Variants in EYS observed in about 807,000 individuals in gnomAD.
The protein encoded by EYS is EGF-like photoreceptor maintenance factor.
A neutral mutation model predicts 282.1 loss-of-function variants in EYS; 250 were observed. The ratio of observed to expected loss-of-function variants is 0.89; its 90% CI spans 0.80 to 0.98. The LOEUF is 0.98. Ranked by LOEUF, EYS falls within the 50% of genes least tolerant of loss-of-function variation. The pLI, the probability that EYS is intolerant of heterozygous loss-of-function variation, is 0.00. For synonymous variants in EYS, 1,355 were observed against 1,282.9 expected (o/e 1.06, Z -1.20); for missense variants, 4,016 against 3,709.0 (o/e 1.08, Z -2.15).
intron 33 of EYS, among the ~76,000 whole-genome samples, chr6:64,044,872 C>A (rs1203221281): frequency 6.6e-6 from 1 of 152,048 alleles, no homozygotes; most frequent in Non-Finnish European, 1.5e-5. Context: ...GTAGATATTA[C>A]AAACCAAATG....
At chr6:64,030,813 A>G (rs753196522) in intron 33 of EYS, among the ~76,000 whole-genome samples, 3 of 152,196 alleles carry the variant, frequency 2.0e-5, no homozygotes, top group East Asian at 1.9e-4. Flanking sequence ...TCAACTAACA[A>G]CTTCTACTGA....
chr6:64,876,065 T>C (rs967915530), intron 19 of EYS, among the ~76,000 whole-genome samples: 21 of 152,040 alleles, frequency 1.4e-4, no homozygotes, highest in African/African-American at 4.3e-4. Flanking sequence ...GTGAATAATA[T>C]AAAAAGTCTA....
At chr6:63,735,544 A>G (rs1768889166) in intron 41 of EYS, among the ~76,000 whole-genome samples, 2 of 151,596 alleles carry the variant, frequency 1.3e-5, no homozygotes, top group African/African-American at 4.8e-5. Flanking sequence ...CTTTTTCCCA[A>G]CCTATAAAAA....
chr6:64,724,072 T>C (rs1396130303), intron 22 of EYS, among the ~76,000 whole-genome samples: 2 of 151,992 alleles, frequency 1.3e-5, no homozygotes, highest in Non-Finnish European at 2.9e-5. Flanking sequence ...ATTGTTGTTT[T>C]TTTTTTTGTT....
At chr6:65,236,090 G>C (rs1766915696) in intron 12 of EYS, among the ~76,000 whole-genome samples, 1 of 151,758 alleles carries the variant, frequency 6.6e-6, no homozygotes, top group Non-Finnish European at 1.5e-5. Flanking sequence ...AATATTATTA[G>C]TAGCATTAAT....
At chr6:64,780,861 T>C (rs1773837100) in intron 22 of EYS, among the ~76,000 whole-genome samples, 1 of 152,212 alleles carries the variant, frequency 6.6e-6, no homozygotes, top group African/African-American at 2.4e-5. Flanking sequence ...GTCTTGGAAT[T>C]ATTTTCTAAG....
At chr6:64,464,028 A>G (rs935105334) in intron 26 of EYS, among the ~76,000 whole-genome samples, 17 of 152,174 alleles carry the variant, frequency 1.1e-4, no homozygotes, top group African/African-American at 4.1e-4. Flanking sequence ...GAAACATAAG[A>G]TACTCCTATA....
intron 22 of EYS, among the ~76,000 whole-genome samples, chr6:64,705,619 C>A (rs1369790432): frequency 6.6e-6 from 1 of 151,590 alleles, no homozygotes; most frequent in East Asian, 1.9e-4. Flanking sequence ...AAATGTGGCA[C>A]ATATACACCA....
intron 15 of EYS, among the ~76,000 whole-genome samples, chr6:64,944,055 A>T (rs1437555849): frequency 6.6e-6 from 1 of 152,132 alleles, no homozygotes; most frequent in Non-Finnish European, 1.5e-5. Context: ...GCAAAACCAG[A>T]AATAAAGCAA....
intron 41 of EYS, among the ~76,000 whole-genome samples, chr6:63,741,064 A>G (rs1311107646): frequency 6.6e-6 from 1 of 152,232 alleles, no homozygotes; most frequent in Admixed American, 6.5e-5. Context: ...CTCTTCTTGG[A>G]TAACTGATCT....
intron 36 of EYS, among the ~76,000 whole-genome samples, chr6:63,811,020 C>T (rs1771033743): frequency 6.6e-6 from 1 of 152,216 alleles, no homozygotes; most frequent in African/African-American, 2.4e-5. Flanking sequence ...TCCACCCCTT[C>T]TCATTTGCTC....
intron 7 of EYS, among the ~76,000 whole-genome samples, chr6:65,392,575 T>G (rs922200405): frequency 6.6e-6 from 1 of 152,152 alleles, no homozygotes; most frequent in Non-Finnish European, 1.5e-5. Context: ...GAAAAAATGC[T>G]CACCATCACT....
intron 12 of EYS, among the ~76,000 whole-genome samples, chr6:65,126,851 A>G (rs1306758152): frequency 6.6e-6 from 1 of 152,090 alleles, no homozygotes; most frequent in Non-Finnish European, 1.5e-5. Flanking sequence ...CCCTGCTAGG[A>G]GCTAGATTGG....
At chr6:65,658,405 T>C (rs1049754985) in intron 1 of EYS, among the ~76,000 whole-genome samples, 4 of 151,820 alleles carry the variant, frequency 2.6e-5, no homozygotes, top group South Asian at 2.1e-4. Flanking sequence ...ATGGGGAAAC[T>C]AGGTGTGAAA....
chr6:63,909,422 T>C (rs969395095), intron 35 of EYS, among the ~76,000 whole-genome samples: 1 of 152,220 alleles, frequency 6.6e-6, no homozygotes, highest in African/African-American at 2.4e-5. Context: ...CCGACATATA[T>C]TTCTGACTGG....
intron 26 of EYS, among the ~76,000 whole-genome samples, chr6:64,514,991 T>C (rs1362142087): frequency 1.3e-5 from 2 of 151,818 alleles, no homozygotes; most frequent in African/African-American, 4.8e-5. Context: ...ATGCAATTTT[T>C]CTCTATTGTC....
chr6:65,063,466 A>G lies in EYS; in HGVS notation c.2024-5739T>C, dbSNP rs560984197. 2.6e-5 allele frequency among the ~76,000 whole-genome samples: 4 copies of G among 152,200 alleles called. No homozygotes were observed. In the East Asian group the frequency reaches 7.7e-4, roughly 29 times the overall value. ...TAAGTACTATTACTGTGGGAGAACT[A>G]GAGCATAGAGTATGGTCAGAAAAAT... is the stretch of plus-strand genomic sequence containing the variant. On this transcript the variant is annotated intron_variant, in intron 12 of 42. Coordinates refer to ENST00000503581, the MANE Select transcript of EYS (RefSeq NM_001142800.2).
At chr6:63,839,450 A>T (rs1771893081) in intron 36 of EYS, among the ~76,000 whole-genome samples, 1 of 152,182 alleles carries the variant, frequency 6.6e-6, no homozygotes, top group Non-Finnish European at 1.5e-5. Flanking sequence ...CATTTTCTTT[A>T]TCCATTCATC....
Position 64,707,134 on chromosome 6 carries a change from T to C in EYS, c.3444-80889A>G, listed in dbSNP as rs1024460807. On this transcript the variant is annotated intron_variant, in intron 22 of 42. Transcript: ENST00000503581. Reference sequence around the variant, plus strand: ...ACACACACACACACACACACACATATATATATGTGTCATGGAATACAACTC... The same window carrying C: ...ACACACACACACACACACACACATACATATATGTGTCATGGAATACAACTC... 7.8e-3 allele frequency among the ~76,000 whole-genome samples: 1,147 copies of C among 147,634 alleles called. 19 individuals are homozygous for C. Among genetic ancestry groups the C allele is most frequent in the African/African-American group, 0.027 (1,006 of 37,808 alleles).
Sources: gnomAD v4.1 joint callset for allele counts (sites outside exome capture counted in the v4.1 genomes callset) on GRCh38, gnomAD v4.1.1 for gene constraint, MANE v1.5 for transcripts, NCBI Gene and HGNC (gene_info 2026-07-23, HGNC 2026-07-21) for gene names.